HSD17B12: variants seen among roughly 807,000 people sequenced by gnomAD.
HSD17B12 encodes very-long-chain 3-oxoacyl-CoA reductase.
HSD17B12 carries 32 observed loss-of-function variants against 39.3 expected under a neutral mutation model. The observed-to-expected ratio is 0.81, with a 90% CI of 0.61 to 1.09. The LOEUF is 1.09. Among genes scored for constraint, HSD17B12 ranks in the 50% least tolerant of loss-of-function variants. HSD17B12 has a pLI of 0.00. For synonymous variants in HSD17B12, 150 were observed against 146.7 expected (o/e 1.02, Z -0.16); for missense variants, 342 against 382.9 (o/e 0.89, Z 0.89).
At chr11:43,583,714 C>T in the HSD17B12 span, among the ~76,000 whole-genome samples, 1 of 151,898 alleles carries the variant, frequency 6.6e-6, no homozygotes, top group African/African-American at 2.4e-5. Context: ...CTCAAACTGC[C>T]GATGCGCATC....
At chr11:43,595,839 CGA>C in the HSD17B12 span, among the ~76,000 whole-genome samples, 3 of 151,068 alleles carry the variant, frequency 2.0e-5, no homozygotes, top group South Asian at 2.1e-4. Context: ...ACACACAGAG[CGA>C]GAGAGAGAGA....
At chr11:43,567,065 G>A in the HSD17B12 span, among the ~76,000 whole-genome samples, 1 of 152,194 alleles carries the variant, frequency 6.6e-6, no homozygotes, top group African/African-American at 2.4e-5. Context: ...GAGCAGGCAA[G>A]AACAATTTCC....
chr11:43,665,329 G>C, the HSD17B12 span, among the ~76,000 whole-genome samples: 6 of 152,180 alleles, frequency 3.9e-5, no homozygotes, highest in South Asian at 6.3e-4. Context: ...AACGATTCTT[G>C]TGCCTCAGCC....
chr11:43,698,566 C>T (rs1189264942), intron 1 of HSD17B12, among the ~76,000 whole-genome samples: 1 of 152,212 alleles, frequency 6.6e-6, no homozygotes, highest in African/African-American at 2.4e-5. Flanking sequence ...AGGATTATCA[C>T]AGGACCTGAG....
chr11:43,714,708 C>G (rs1267561757), intron 1 of HSD17B12, among the ~76,000 whole-genome samples: 2 of 152,110 alleles, frequency 1.3e-5, no homozygotes, highest in African/African-American at 2.4e-5. Flanking sequence ...TATACATTAC[C>G]TTGGGCAGAA....
chr11:43,802,370 A>G (rs1162084499), intron 4 of HSD17B12, among the ~76,000 whole-genome samples: 1 of 152,202 alleles, frequency 6.6e-6, no homozygotes, highest in Non-Finnish European at 1.5e-5. Context: ...TCAATACAAA[A>G]AAATTTAAAA....
the HSD17B12 span, among the ~76,000 whole-genome samples, chr11:43,565,947 A>G: frequency 6.6e-6 from 1 of 152,126 alleles, no homozygotes; most frequent in Admixed American, 6.5e-5. Flanking sequence ...GTTTCCCCTG[A>G]CCCTTTGAAA....
chr11:43,716,136 C>T (rs974341704), intron 1 of HSD17B12, among the ~76,000 whole-genome samples: 9 of 152,084 alleles, frequency 5.9e-5, no homozygotes, highest in African/African-American at 2.2e-4. Context: ...TTAACAAACC[C>T]GTAGATTAAA....
intron 1 of HSD17B12, among the ~76,000 whole-genome samples, chr11:43,705,356 G>A (rs2134820218): frequency 1.3e-5 from 2 of 152,274 alleles, no homozygotes; most frequent in Non-Finnish European, 2.9e-5. Context: ...AAATGATTCA[G>A]GAATATTGGA....
intron 1 of HSD17B12, among the ~76,000 whole-genome samples, chr11:43,746,910 A>G (rs1434323980): frequency 1.3e-5 from 2 of 152,222 alleles, no homozygotes; most frequent in Non-Finnish European, 2.9e-5. Flanking sequence ...TTTGTTGACC[A>G]AAACATTGTT....
chr11:43,621,634 C>G, the HSD17B12 span, among the ~76,000 whole-genome samples: 1 of 152,112 alleles, frequency 6.6e-6, no homozygotes, highest in Non-Finnish European at 1.5e-5. Context: ...TCACTTGAGC[C>G]CAGAAGACTG....
At chr11:43,752,774 T>A (rs545252579) in intron 2 of HSD17B12, among the ~76,000 whole-genome samples, 8 of 152,246 alleles carry the variant, frequency 5.3e-5, no homozygotes, top group African/African-American at 1.7e-4. Flanking sequence ...TAAGATGGTG[T>A]TTTTCTATAA....
At chr11:43,615,566 A>C in the HSD17B12 span, among the ~76,000 whole-genome samples, 1 of 152,196 alleles carries the variant, frequency 6.6e-6, no homozygotes, top group Non-Finnish European at 1.5e-5. Context: ...TGCTTAAGCT[A>C]TCCATTTCTA....
chr11:43,670,740 C>T, the HSD17B12 span, among the ~76,000 whole-genome samples: 1 of 151,980 alleles, frequency 6.6e-6, no homozygotes, highest in Non-Finnish European at 1.5e-5. Flanking sequence ...AAAATATTAG[C>T]TGGGTGTGGT....
At chr11:43,598,775 G>A in the HSD17B12 span, among the ~76,000 whole-genome samples, 4 of 152,080 alleles carry the variant, frequency 2.6e-5, no homozygotes, top group African/African-American at 4.8e-5. Flanking sequence ...TGGGGTATGC[G>A]GGTGCAGACA....
At chr11:43,845,281 A>G (rs1169636532) in intron 9 of HSD17B12, among the ~76,000 whole-genome samples, 1 of 152,222 alleles carries the variant, frequency 6.6e-6, no homozygotes, top group Non-Finnish European at 1.5e-5. Flanking sequence ...ACCACACCCA[A>G]CCAGAATAAG....
At chr11:43,731,459 GA>G (rs1252656817) in intron 1 of HSD17B12, among the ~76,000 whole-genome samples, 2 of 152,176 alleles carry the variant, frequency 1.3e-5, no homozygotes, top group African/African-American at 4.8e-5. Flanking sequence ...ACTTTTATTA[GA>G]CCTGAGTTAT....
intron 3 of HSD17B12, among the ~76,000 whole-genome samples, chr11:43,763,586 T>TTATATATATATATATATAAGGTTACCTTA (rs144415393): frequency 6.9e-6 from 1 of 145,872 alleles, no homozygotes. Flanking sequence ...TTTTATACCC[T>TTATATATATATATATATAAGGTTACCTTA]TATATATATA....
the HSD17B12 span, among the ~76,000 whole-genome samples, chr11:43,565,713 A>G: frequency 1.3e-5 from 2 of 152,252 alleles, no homozygotes; most frequent in African/African-American, 4.8e-5. Flanking sequence ...TGCATTTTCC[A>G]AATATGTAAT....
Sources: gnomAD v4.1 joint callset for allele counts (sites outside exome capture counted in the v4.1 genomes callset) on GRCh38, gnomAD v4.1.1 for gene constraint, MANE v1.5 for transcripts, NCBI Gene and HGNC (gene_info 2026-07-23, HGNC 2026-07-21) for gene names.